PTPRT: variants seen among roughly 807,000 people sequenced by gnomAD.
The protein encoded by PTPRT is receptor-type tyrosine-protein phosphatase T.
PTPRT carries 56 observed loss-of-function variants against 176.8 expected under a neutral mutation model. The ratio of observed to expected loss-of-function variants is 0.32; its 90% confidence interval spans 0.26 to 0.40. The LOEUF is 0.40. Among genes scored for constraint, PTPRT ranks in the 10% least tolerant of loss-of-function variants. The pLI, the probability that PTPRT is intolerant of heterozygous loss-of-function variation, is 1.00. For missense variants in PTPRT, 1,540 were observed against 1,908.2 expected, an observed-to-expected ratio of 0.81 and a Z score of 3.60; for synonymous variants, 783 against 739.0, an observed-to-expected ratio of 1.06 and a Z score of -0.96.
intron 22 of PTPRT, among the ~76,000 whole-genome samples, chr20:42,112,386 G>A (rs1029047610): frequency 6.6e-6 from 1 of 152,216 alleles, no homozygotes; most frequent in Non-Finnish European, 1.5e-5. Flanking sequence ...GGGTGGGGCA[G>A]CATCCTTCAG....
chr20:42,247,377 A>T (rs930145773), intron 14 of PTPRT, among the ~76,000 whole-genome samples: 4 of 152,200 alleles, frequency 2.6e-5, no homozygotes, highest in African/African-American at 9.7e-5. Context: ...GTATTTCTAA[A>T]TCACTGATTG....
intron 7 of PTPRT, among the ~76,000 whole-genome samples, chr20:42,537,756 A>G (rs1258940015): frequency 1.3e-5 from 2 of 152,340 alleles, no homozygotes; most frequent in South Asian, 2.1e-4. Flanking sequence ...CGGTCCAGCG[A>G]GAAAAGCAGA....
chr20:42,527,444 T>C (rs759265378), intron 7 of PTPRT, among the ~76,000 whole-genome samples: 9 of 152,216 alleles, frequency 5.9e-5, no homozygotes, highest in Non-Finnish European at 1.0e-4. Flanking sequence ...CAGCCACAGA[T>C]GTCATCTCTC....
At chr20:42,683,059 C>T (rs1330502048) in intron 6 of PTPRT, among the ~76,000 whole-genome samples, 1 of 152,128 alleles carries the variant, frequency 6.6e-6, no homozygotes, top group Non-Finnish European at 1.5e-5. Flanking sequence ...CAACACTTTA[C>T]ACCACACGTC....
intron 6 of PTPRT, among the ~76,000 whole-genome samples, chr20:42,724,172 A>G (rs148314708): frequency 4.6e-5 from 7 of 152,348 alleles, no homozygotes; most frequent in Admixed American, 3.9e-4. Flanking sequence ...CAGAAAGCTC[A>G]CTTTTTAATC....
chr20:42,102,308 CA>C lies in PTPRT; in HGVS notation c.3541-12del, dbSNP rs1341395831. ...CACAATGTTGAGGGTCTGTGGGGCACAAAGGTGAATAGATAGGCCCTGCTCA... is the reference window on the plus strand; with the variant it reads ...CACAATGTTGAGGGTCTGTGGGGCACAAGGTGAATAGATAGGCCCTGCTCA... On this transcript the variant is annotated splice_polypyrimidine_tract_variant and intron_variant, in intron 25 of 30. Coordinates refer to ENST00000373187, the MANE Select transcript of PTPRT (RefSeq NM_007050.6). The C allele has an allele frequency of 3.1e-6, 5 of 1,612,132 alleles. No homozygotes were observed. The African/African-American group carries it at 6.7e-5, about 22-fold the overall frequency.
rs2075129139 is a variant in PTPRT at position 42,656,591 on chromosome 20, C to A, written c.1153+21275G>T. 2.0e-5 allele frequency among the ~76,000 whole-genome samples: 3 copies of A among 152,112 alleles called. No individual in the cohort carries two copies. In the South Asian group the frequency reaches 6.2e-4, roughly 32 times the overall value. ...GTTGAAGGCAGGGTGAAAACTGACC[C>A]AATTTTTGAAGAACTGTCTCAAAGT... is the stretch of plus-strand genomic sequence containing the variant. On this transcript the variant is annotated intron_variant, in intron 7 of 30. Transcript: ENST00000373187.
chr20:43,082,084 T>A (rs1020803711), intron 1 of PTPRT, among the ~76,000 whole-genome samples: 1 of 152,198 alleles, frequency 6.6e-6, no homozygotes, highest in Non-Finnish European at 1.5e-5. Context: ...GGTGTTATTG[T>A]GGTTATTTTC....
At chr20:42,316,036 T>A in intron 11 of PTPRT, 40 bp from the exon 12 acceptor site, 2 of 1,603,104 alleles carry the variant, frequency 1.2e-6, no homozygotes, top group South Asian at 1.1e-5. Context: ...TGAGCAACTT[T>A]CTGGAAGAAT....
intron 2 of PTPRT, among the ~76,000 whole-genome samples, chr20:42,808,569 C>T (rs1165479372): frequency 6.6e-6 from 1 of 152,042 alleles, no homozygotes; most frequent in Non-Finnish European, 1.5e-5. Context: ...AGGAGCTGAC[C>T]ATGCACCAGG....
chr20:43,123,333 C>T (rs1167332178), intron 1 of PTPRT, among the ~76,000 whole-genome samples: 1 of 152,208 alleles, frequency 6.6e-6, no homozygotes, highest in African/African-American at 2.4e-5. Flanking sequence ...ACTTTCCACA[C>T]TAGGTCTTTT....
intron 9 of PTPRT, among the ~76,000 whole-genome samples, chr20:42,440,860 G>C (rs867035373): frequency 6.6e-6 from 1 of 152,158 alleles, no homozygotes; most frequent in African/African-American, 2.4e-5. Flanking sequence ...GAAAGGCATC[G>C]GCTGGGGAAT....
At chr20:42,058,650 A>C in the PTPRT span, among the ~76,000 whole-genome samples, 6 of 152,170 alleles carry the variant, frequency 3.9e-5, no homozygotes, top group African/African-American at 1.4e-4. Flanking sequence ...TAAAATGAAA[A>C]GACTTAGTTC....
chr20:42,560,971 T>C (rs565313919), intron 7 of PTPRT, among the ~76,000 whole-genome samples: 1 of 152,292 alleles, frequency 6.6e-6, no homozygotes, highest in Non-Finnish European at 1.5e-5. Context: ...ACTCTTCCTG[T>C]CTGTGGGCTA....
intron 15 of PTPRT, among the ~76,000 whole-genome samples, chr20:42,235,349 G>T (rs886455905): frequency 6.6e-6 from 1 of 151,790 alleles, no homozygotes; most frequent in Non-Finnish European, 1.5e-5. Context: ...TACAACCTCC[G>T]CCCTGGGTTC....
intron 2 of PTPRT, among the ~76,000 whole-genome samples, chr20:42,832,801 TAA>T (rs778457370): frequency 1.9e-5 from 2 of 107,328 alleles, no homozygotes; most frequent in Non-Finnish European, 3.6e-5. Flanking sequence ...TAGGATTTGT[TAA>T]AAAAAAAAAA....
At chr20:42,820,468 G>A (rs931085405) in intron 2 of PTPRT, among the ~76,000 whole-genome samples, 1 of 151,938 alleles carries the variant, frequency 6.6e-6, no homozygotes, top group Non-Finnish European at 1.5e-5. Flanking sequence ...AGAATGCTAG[G>A]AAGATATCAA....
At chr20:42,794,827 A>G (rs2077429518) in intron 2 of PTPRT, among the ~76,000 whole-genome samples, 1 of 134,684 alleles carries the variant, frequency 7.4e-6, no homozygotes, top group Admixed American at 8.2e-5. Flanking sequence ...AGGCAAAGGC[A>G]CAGAAGCATC....
chr20:42,797,956 A>G (rs951825190), intron 2 of PTPRT, among the ~76,000 whole-genome samples: 1 of 152,166 alleles, frequency 6.6e-6, no homozygotes, highest in African/African-American at 2.4e-5. Context: ...CCTTGAATGT[A>G]CCCCAGTGTG....
Sources: gnomAD v4.1 joint callset for allele counts (sites outside exome capture counted in the v4.1 genomes callset) on GRCh38, gnomAD v4.1.1 for gene constraint, MANE v1.5 for transcripts, NCBI Gene and HGNC (gene_info 2026-07-23, HGNC 2026-07-21) for gene names.